DMD: variants seen among roughly 807,000 people sequenced by gnomAD.
The protein encoded by DMD is mutant dystrophin.
Under a neutral mutation model 330.1 loss-of-function variants are expected in DMD, and 63 were observed. That is an observed-to-expected ratio of 0.19 (90% confidence interval 0.16 to 0.24). The LOEUF is 0.24. Ranked by LOEUF, DMD falls within the 10% of genes least tolerant of loss-of-function variation. The probability of loss-of-function intolerance (pLI) is 1.00; values close to 1 mark genes in which losing one functional copy is unlikely to be tolerated. For missense variants in DMD, 3,344 were observed against 2,684.1 expected (o/e 1.25, Z -5.43); for synonymous variants, 1,223 against 959.8 (o/e 1.27, Z -5.07).
At chrX:32,703,837 ACTT>A (rs1394477710) in intron 7 of DMD, among the ~76,000 whole-genome samples, 1 of 111,770 alleles carries the variant, frequency 8.9e-6, no homozygotes, top group Non-Finnish European at 1.9e-5. Flanking sequence ...TGTAATTTAT[ACTT>A]CTTATTACAC....
intron 11 of DMD, among the ~76,000 whole-genome samples, chrX:32,617,569 G>T (rs764805766): frequency 1.6e-3 from 180 of 110,857 alleles, no homozygotes; most frequent in African/African-American, 5.2e-3. Flanking sequence ...AATTTGAAAT[G>T]GATTAAAAAC....
intron 2 of DMD, among the ~76,000 whole-genome samples, chrX:32,922,175 A>AT (rs772925727): frequency 0.038 from 3,702 of 98,450 alleles, 183 homozygotes; most frequent in African/African-American, 0.12. Context: ...CCCTGACATG[A>AT]TTTTTTTTTT....
chrX:32,824,658 A>G (rs946530225), intron 4 of DMD, among the ~76,000 whole-genome samples: 3 of 111,630 alleles, frequency 2.7e-5, no homozygotes, highest in Non-Finnish European at 5.7e-5. Context: ...GACCCTTGTA[A>G]TGGTGGAACT....
chrX:31,266,165 A>AAAAAAAAAAAAC (rs2051064986), intron 62 of DMD, among the ~76,000 whole-genome samples: 1 of 98,638 alleles, frequency 1.0e-5, no homozygotes, highest in African/African-American at 4.1e-5. Context: ...AGGGCAAAAA[A>AAAAAAAAAAAAC]AAAAAAAAAA....
rs375816224 is a variant in DMD, at chrX:32,734,921, T to C, written c.650-35628A>G. Among the ~76,000 whole-genome samples the C allele has an allele frequency of 3.8e-3, 400 of 105,902 alleles. 1 individual carries two copies. The highest frequency in any genetic ancestry group is 5.8e-3 in the Non-Finnish European group (304 of 52,080). 92.0% of individuals were successfully genotyped at this position (105,902 alleles called of 115,157 possible). A position where few individuals can be genotyped will look rare whatever the true frequency, so the allele number is the denominator to read the frequency against. On this transcript the variant is annotated intron_variant, in intron 7 of 78. Coordinates refer to ENST00000357033, the MANE Select transcript of DMD (RefSeq NM_004006.3). ...TGTTGGAAGTTCTGGCCAGGGCAAT[T>C]AGGCAGGAGAAGGAAATAAAGGGTA... is the stretch of plus-strand genomic sequence containing the variant.
intron 55 of DMD, among the ~76,000 whole-genome samples, chrX:31,589,088 G>T (rs1603409985): frequency 1.1e-5 from 1 of 90,630 alleles, no homozygotes; most frequent in African/African-American, 4.4e-5. Flanking sequence ...TTTTACCATT[G>T]TCATGCAAGT....
At chrX:33,080,539 G>A (rs2094912027) in intron 1 of DMD, among the ~76,000 whole-genome samples, 1 of 111,511 alleles carries the variant, frequency 9.0e-6, no homozygotes, top group Non-Finnish European at 1.9e-5. Context: ...TAGCAACTTT[G>A]ATTTTTAGTG....
At chrX:33,145,505 G>A (rs1387694880) in intron 1 of DMD, among the ~76,000 whole-genome samples, 1 of 111,231 alleles carries the variant, frequency 9.0e-6, no homozygotes, top group East Asian at 2.8e-4. Flanking sequence ...TGGGAGCAGG[G>A]AAATATATAT....
intron 36 of DMD, among the ~76,000 whole-genome samples, chrX:32,363,298 A>G (rs781601499): frequency 1.0e-3 from 112 of 111,813 alleles, no homozygotes; most frequent in Middle Eastern, 4.6e-3. Flanking sequence ...AATATATTCT[A>G]TTTAGTCTTA....
intron 44 of DMD, among the ~76,000 whole-genome samples, chrX:32,121,490 G>A (rs183709626): frequency 9.4e-5 from 10 of 106,168 alleles, no homozygotes; most frequent in African/African-American, 3.4e-4. Context: ...CATTATTCCT[G>A]CTGCCTGTGG....
chrX:31,421,368 G>A lies in DMD; in HGVS notation c.9084+23113C>T, dbSNP rs149133437. 6.9e-3 allele frequency among the ~76,000 whole-genome samples: 775 copies of A among 111,945 alleles called. 9 individuals carry two copies. Among genetic ancestry groups the A allele is most frequent in the African/African-American group, 0.023 (722 of 30,865 alleles). ...CAAATAAGACTAGTTTCTAGTCTAC[G>A]ATTTCTGGGAAAATGCGAGAACTTT... On this transcript the variant is annotated intron_variant, in intron 60 of 78. Coordinates refer to ENST00000357033, the MANE Select transcript of DMD (RefSeq NM_004006.3).
intron 2 of DMD, 132 bp downstream of exon 2, chrX:33,020,007 C>T: frequency 2.1e-6 from 1 of 467,317 alleles, no homozygotes; most frequent in Non-Finnish European, 3.6e-6. Context: ...ATAATATTTC[C>T]AGATTTGCAC....
At chrX:32,760,405 C>A (rs2072121337) in intron 7 of DMD, among the ~76,000 whole-genome samples, 1 of 111,876 alleles carries the variant, frequency 8.9e-6, no homozygotes, top group South Asian at 3.8e-4. Context: ...GGGCAAATAT[C>A]TGCCCTACTT....
chrX:31,926,548 C>T (rs757688031), intron 47 of DMD, among the ~76,000 whole-genome samples: 56 of 109,907 alleles, frequency 5.1e-4, no homozygotes, highest in Non-Finnish European at 9.7e-4. Context: ...TGGTGGTGCG[C>T]GCCTGTAGTC....
intron 29 of DMD, among the ~76,000 whole-genome samples, chrX:32,435,804 G>T (rs1168846401): frequency 9.0e-6 from 1 of 111,238 alleles, no homozygotes; most frequent in Admixed American, 9.6e-5. Context: ...AAGACTTTCA[G>T]CAACACTATG....
At chrX:32,283,622 C>A (rs1212188535) in intron 43 of DMD, among the ~76,000 whole-genome samples, 1 of 111,875 alleles carries the variant, frequency 8.9e-6, no homozygotes, top group Non-Finnish European at 1.9e-5. Flanking sequence ...TGATCTCTGG[C>A]AATAAGAACC....
At chrX:32,343,028 A>G (rs2097751988) in intron 40 of DMD, 106 bp downstream of exon 40, 4 of 830,761 alleles carry the variant, frequency 4.8e-6, no homozygotes, top group Admixed American at 2.3e-5. Flanking sequence ...ATCAAATCAA[A>G]GAGAACGTTA....
chrX:31,245,004 C>T (rs2048697182), intron 63 of DMD, among the ~76,000 whole-genome samples: 2 of 111,976 alleles, frequency 1.8e-5, no homozygotes, highest in Admixed American at 9.5e-5. Flanking sequence ...ACGAACGAGG[C>T]CATCAGCACA....
At chrX:31,420,685 G>A (rs2063321084) in intron 60 of DMD, among the ~76,000 whole-genome samples, 1 of 112,123 alleles carries the variant, frequency 8.9e-6, no homozygotes, top group East Asian at 2.8e-4. Context: ...CAAAGGCCTG[G>A]GACACTGTGG....
Sources: allele counts gnomAD v4.1 joint callset (sites outside exome capture counted in the v4.1 genomes callset), GRCh38; gene constraint gnomAD v4.1.1; transcripts MANE v1.5; gene names NCBI Gene and HGNC (gene_info 2026-07-23, HGNC 2026-07-21).